Variants in SLC44A1 observed in about 807,000 individuals in gnomAD.
SLC44A1 encodes the protein solute carrier family 44 member 1, also known as choline transporter-like protein 1.
A neutral mutation model predicts 79.3 loss-of-function variants in SLC44A1; 26 were observed. The ratio of observed to expected loss-of-function variants is 0.33; its 90% CI spans 0.24 to 0.46. The LOEUF (loss-of-function observed/expected upper bound fraction) is 0.46. Among genes scored for constraint, SLC44A1 ranks in the 20% least tolerant of loss-of-function variants. SLC44A1 has a pLI of 1.00. For synonymous variants in SLC44A1, 263 were observed against 286.2 expected, an observed-to-expected ratio of 0.92 and a Z score of 0.82; for missense variants, 688 against 798.1, an observed-to-expected ratio of 0.86 and a Z score of 1.66.
intron 1 of SLC44A1, among the ~76,000 whole-genome samples, chr9:105,275,488 C>G (rs1830177558): frequency 6.6e-6 from 1 of 152,198 alleles, no homozygotes; most frequent in Non-Finnish European, 1.5e-5. Context: ...CTTGGTAATT[C>G]AGGCCTGTCC....
chr9:105,360,100 C>T (rs1170563301), intron 7 of SLC44A1, among the ~76,000 whole-genome samples: 6 of 152,142 alleles, frequency 3.9e-5, no homozygotes, highest in Admixed American at 6.6e-5. Context: ...TACCACTTTC[C>T]GCATTGCTCA....
intron 15 of SLC44A1, among the ~76,000 whole-genome samples, chr9:105,420,483 T>C (rs1829231628): frequency 6.6e-6 from 1 of 152,176 alleles, no homozygotes; most frequent in African/African-American, 2.4e-5. Context: ...TGCATCCCTT[T>C]TTAATATATC....
intron 3 of SLC44A1, among the ~76,000 whole-genome samples, chr9:105,312,472 C>T (rs1831206255): frequency 6.6e-6 from 1 of 152,114 alleles, no homozygotes; most frequent in African/African-American, 2.4e-5. Context: ...TAGTTCACTG[C>T]CTAGAGCATA....
At chr9:105,380,326 A>G (rs1233165071) in intron 13 of SLC44A1, among the ~76,000 whole-genome samples, 1 of 152,070 alleles carries the variant, frequency 6.6e-6, no homozygotes, top group Non-Finnish European at 1.5e-5. Context: ...CCAATAATTT[A>G]TCCTCTAGAA....
Position 105,348,380 on chromosome 9 carries a change from C to T in SLC44A1, c.429C>T (p.Asn143=). 4 of 1,609,946 alleles carry T rather than the reference C, an allele frequency of 2.5e-6. No homozygotes were observed. The highest frequency in any genetic ancestry group is 2.5e-6 in the Non-Finnish European group (3 of 1,176,566). Residue 143 remains asparagine, a synonymous_variant, in exon 5 of 16, where the codon AAC becomes AAT. Coordinates refer to ENST00000374720, the MANE Select transcript of SLC44A1 (RefSeq NM_080546.5). ...EINGSALCSY[N]LKPSEYTTSP... ...CAGGTTCAGCCCTATGTAGCTACAACCTAAAGCCTTCTGAATACACTACAT... is the reference window on the plus strand; with the variant it reads ...CAGGTTCAGCCCTATGTAGCTACAATCTAAAGCCTTCTGAATACACTACAT...
intron 4 of SLC44A1, 113 bp from the exon 5 acceptor site, chr9:105,348,245 G>T (rs1827299211): frequency 3.4e-6 from 2 of 587,942 alleles, no homozygotes; most frequent in South Asian, 2.4e-5. Flanking sequence ...AGATTTTTAT[G>T]AATTCTATAA....
intron 13 of SLC44A1, among the ~76,000 whole-genome samples, chr9:105,376,024 A>G (rs557807115): frequency 1.3e-5 from 2 of 152,202 alleles, no homozygotes; most frequent in East Asian, 3.9e-4. Context: ...AATCTTCACA[A>G]TTATTCATTA....
chr9:105,351,532 GAAAGAA>G, intron 5 of SLC44A1, among the ~76,000 whole-genome samples: 2 of 115,008 alleles, frequency 1.7e-5, no homozygotes, highest in African/African-American at 4.4e-5. Context: ...GACCCTGTCT[GAAAGAA>G]AGAAAGAAAG....
At chr9:105,365,675 C>T in intron 11 of SLC44A1, 36 bp downstream of exon 11, 1 of 1,584,718 alleles carries the variant, frequency 6.3e-7, no homozygotes, top group Non-Finnish European at 8.7e-7. Context: ...TTTCTGTGGG[C>T]ACATTCCAGA....
At chr9:105,384,854 A>G (rs1423941605) in intron 14 of SLC44A1, among the ~76,000 whole-genome samples, 1 of 152,224 alleles carries the variant, frequency 6.6e-6, no homozygotes, top group Admixed American at 6.5e-5. Context: ...ACTACTAACC[A>G]TAGGTTCTGG....
chr9:105,361,771 G>C (rs889843238), intron 8 of SLC44A1, among the ~76,000 whole-genome samples: 8 of 152,162 alleles, frequency 5.3e-5, no homozygotes, highest in Non-Finnish European at 1.0e-4. Context: ...ATATAGGTGT[G>C]GTCAGGTACA....
At chr9:105,407,854 A>G (rs570929437) in intron 15 of SLC44A1, among the ~76,000 whole-genome samples, 5 of 150,656 alleles carry the variant, frequency 3.3e-5, no homozygotes, top group Admixed American at 3.3e-4. Context: ...TGGACAACAG[A>G]CCAAGACTCT....
At chr9:105,254,655 T>C (rs1829662749) in intron 1 of SLC44A1, among the ~76,000 whole-genome samples, 1 of 152,218 alleles carries the variant, frequency 6.6e-6, no homozygotes, top group African/African-American at 2.4e-5. Flanking sequence ...CAGTTAGTTA[T>C]CTTCTTGTCC....
chr9:105,390,355 G>A lies in SLC44A1; in HGVS notation c.*1299G>A, dbSNP rs551534747. On this transcript the variant is annotated 3_prime_UTR_variant, in exon 16 of 16. Coordinates refer to ENST00000374720, the MANE Select transcript of SLC44A1 (RefSeq NM_080546.5). Reference sequence around the variant, plus strand: ...TTTTGTTACAATTTTTTTAAAAAAAGCTATTTTTGTTAATGTAAAGTAAAT... The same window carrying A: ...TTTTGTTACAATTTTTTTAAAAAAAACTATTTTTGTTAATGTAAAGTAAAT... 1.0e-4 allele frequency: 97 copies of A among 959,740 alleles called. 1 individual carries two copies. In the South Asian group the frequency reaches 4.1e-3, roughly 41 times the overall value. The allele number at this position is 959,740 out of a possible 1,614,324, so 59.5% of individuals were successfully genotyped here.
Position 105,395,182 on chromosome 9 carries a change from C to T in SLC44A1, c.*6126C>T. 1 of 985,168 alleles carries T rather than the reference C, an allele frequency of 1.0e-6. No homozygotes were observed. The highest frequency in any genetic ancestry group is 1.2e-6 in the Non-Finnish European group (1 of 829,744). The allele number at this position is 985,168 out of a possible 1,614,324, so 61.0% of individuals were successfully genotyped here. On this transcript the variant is annotated 3_prime_UTR_variant, in exon 16 of 16. Coordinates refer to ENST00000374720, the MANE Select transcript of SLC44A1 (RefSeq NM_080546.5). ...GGAGAAAAGTCAGCCCCCTACCCCA[C>T]CCCACACTCCTAGAAAAGTTTGGGG...
At chr9:105,318,266 C>T (rs1172253794) in intron 3 of SLC44A1, among the ~76,000 whole-genome samples, 3 of 152,082 alleles carry the variant, frequency 2.0e-5, no homozygotes, top group Admixed American at 6.5e-5. Flanking sequence ...CTGCAACCTC[C>T]GCCTCCCGAG....
Position 105,247,170 on chromosome 9 carries a change from C to T in SLC44A1, c.36+2266C>T, listed in dbSNP as rs576793273. 4.6e-5 allele frequency among the ~76,000 whole-genome samples: 7 copies of T among 151,992 alleles called. No homozygotes were observed. In the South Asian group the frequency reaches 1.2e-3, roughly 27 times the overall value. On this transcript the variant is annotated intron_variant, in intron 1 of 15. Transcript: ENST00000374720. ...TGTTACTAATCGGCTGGTATTTTAA[C>T]TCTCCTTTCAGGAGCATTACCAGTT...
Position 105,396,932 on chromosome 9 carries a change from T to C in SLC44A1, c.*7876T>C. ...TCATGTGGGGGAACAAACATGTAGG[T>C]GCTTGAACATGCCCCACAGACACAG... On this transcript the variant is annotated 3_prime_UTR_variant, in exon 16 of 16. Transcript: ENST00000374720. 1 of 985,044 alleles carries C rather than the reference T, an allele frequency of 1.0e-6. No individual in the cohort carries two copies. The highest frequency in any genetic ancestry group is 1.2e-6 in the Non-Finnish European group (1 of 829,574). 61.0% of individuals were successfully genotyped at this position (985,044 alleles called of 1,614,324 possible). A position where few individuals can be genotyped will look rare whatever the true frequency, so the allele number is the denominator to read the frequency against.
At chr9:105,309,891 A>G (rs1271809489) in intron 3 of SLC44A1, 25 bp downstream of exon 3, 1 of 1,601,890 alleles carries the variant, frequency 6.2e-7, no homozygotes, top group South Asian at 1.1e-5. Flanking sequence ...TGAATGATGA[A>G]CACATGGAAA....
Sources: gnomAD v4.1 joint callset for allele counts (sites outside exome capture counted in the v4.1 genomes callset) on GRCh38, gnomAD v4.1.1 for gene constraint, MANE v1.5 for transcripts, NCBI Gene and HGNC (gene_info 2026-07-23, HGNC 2026-07-21) for gene names.